Variants in IPO11 observed in about 807,000 individuals in gnomAD.
IPO11 encodes the protein importin-11.
Under a neutral mutation model 143.2 loss-of-function variants are expected in IPO11, and 66 were observed. The observed-to-expected ratio is 0.46, with a 90% CI of 0.38 to 0.57. The LOEUF (loss-of-function observed/expected upper bound fraction) is 0.57, where lower values mean the gene tolerates loss of function less well. Ranked by LOEUF, IPO11 falls within the 20% of genes least tolerant of loss-of-function variation. The pLI, the probability that IPO11 is intolerant of heterozygous loss-of-function variation, is 0.00. For synonymous variants in IPO11, 385 were observed against 377.8 expected (o/e 1.02, Z -0.22); for missense variants, 1,026 against 1,141.0 (o/e 0.90, Z 1.45).
intron 29 of IPO11, among the ~76,000 whole-genome samples, chr5:62,604,224 T>G (rs1264545444): frequency 6.6e-6 from 1 of 152,190 alleles, no homozygotes. Context: ...TTTGTTTTGT[T>G]TTGCAATGGA....
At chr5:62,435,076 ATATATGTGTATATATG>A (rs1435035567) in intron 1 of IPO11, among the ~76,000 whole-genome samples, 13 of 108,606 alleles carry the variant, frequency 1.2e-4, no homozygotes, top group African/African-American at 5.0e-4. Context: ...ATATATGTAT[ATATATGTGTATATATG>A]TATATATGTA....
intron 24 of IPO11, among the ~76,000 whole-genome samples, chr5:62,545,492 A>T (rs1236795451): frequency 7.2e-5 from 11 of 152,348 alleles, no homozygotes; most frequent in African/African-American, 2.6e-4. Context: ...AAACCATAAA[A>T]ACCCTAGAAG....
intron 26 of IPO11, among the ~76,000 whole-genome samples, chr5:62,559,043 G>A (rs574763286): frequency 5.3e-5 from 8 of 152,214 alleles, no homozygotes; most frequent in African/African-American, 1.4e-4. Flanking sequence ...ATAATTTATT[G>A]CTAGAAAATT....
chr5:62,602,407 A>G (rs1452332700), intron 29 of IPO11, among the ~76,000 whole-genome samples: 1 of 152,186 alleles, frequency 6.6e-6, no homozygotes, highest in African/African-American at 2.4e-5. Context: ...TATTTTTACC[A>G]TAAATAGAAA....
rs998949002 is a variant in IPO11 at position 62,437,471 on chromosome 5, A to G, written c.138+54A>G. The G allele has an allele frequency of 5.3e-6, 8 of 1,497,080 alleles. No homozygotes were observed. In the African/African-American group the frequency reaches 9.8e-5, roughly 18 times the overall value. 92.7% of individuals were successfully genotyped at this position (1,497,080 alleles called of 1,614,324 possible). ...CTTTTTAATAAAATGAGACAACATT[A>G]ATTTGTTTTAAAACCCTAGTTTTAT... On this transcript the variant is annotated intron_variant, in intron 2 of 29. Coordinates refer to ENST00000325324, the MANE Select transcript of IPO11 (RefSeq NM_016338.5).
intron 19 of IPO11, among the ~76,000 whole-genome samples, chr5:62,514,596 A>AGGGAGAC (rs1364062849): frequency 8.5e-6 from 1 of 117,390 alleles, no homozygotes; most frequent in African/African-American, 3.6e-5. Flanking sequence ...GGAGAGGGAG[A>AGGGAGAC]GGGAGACGGG....
chr5:62,489,474 T>C (rs1481253461), intron 14 of IPO11, 125 bp downstream of exon 14: 3 of 585,728 alleles, frequency 5.1e-6, no homozygotes, highest in Non-Finnish European at 8.8e-6. Flanking sequence ...AACAATCTGA[T>C]TGGGGAGATA....
At position 62,601,845 on chromosome 5, in the gene IPO11, G is replaced by A. The variant is rs757815265; in HGVS notation, c.2760G>A (p.Lys920=). The change falls in exon 29 of 30, where the codon AAG becomes AAA. Residue 920 remains lysine (K), a synonymous_variant. Transcript: ENST00000325324. ...CCACAGAACAAGATAAGAGGAAAAA[G>A]ATGGTAAGTTATAAAAGTAGCTTGT... ...EPPTEQDKRK[K]MLALKDPVHT... is the part of the protein sequence containing the mutation. The A allele has an allele frequency of 3.2e-6, 5 of 1,573,616 alleles. No individual in the cohort carries two copies. In the Middle Eastern group the frequency reaches 5.1e-4, roughly 160 times the overall value.
chr5:62,510,737 T>C (rs1298599421), intron 19 of IPO11, among the ~76,000 whole-genome samples: 1 of 152,160 alleles, frequency 6.6e-6, no homozygotes, highest in African/African-American at 2.4e-5. Flanking sequence ...TGATTGATTT[T>C]TTTGTTTTTG....
intron 3 of IPO11, among the ~76,000 whole-genome samples, chr5:62,444,633 T>C (rs1188766902): frequency 3.3e-5 from 5 of 152,054 alleles, no homozygotes; most frequent in African/African-American, 9.6e-5. Context: ...CCCAGCACTT[T>C]GGGAGGTCGA....
intron 29 of IPO11, among the ~76,000 whole-genome samples, chr5:62,606,109 T>G (rs2112456491): frequency 6.6e-6 from 1 of 152,136 alleles, no homozygotes; most frequent in East Asian, 1.9e-4. Flanking sequence ...CAACATGGTG[T>G]TTTAAAATAT....
intron 16 of IPO11, 96 bp downstream of exon 16, chr5:62,494,220 T>C (rs1232532831): frequency 5.5e-5 from 60 of 1,095,416 alleles, no homozygotes; most frequent in Non-Finnish European, 7.6e-5. Flanking sequence ...CTTTATGATG[T>C]TTATGGCCTT....
intron 24 of IPO11, among the ~76,000 whole-genome samples, chr5:62,547,692 A>G (rs944541718): frequency 6.6e-6 from 1 of 151,924 alleles, no homozygotes; most frequent in African/African-American, 2.4e-5. Flanking sequence ...TTATGTGGGG[A>G]TTATTTAATC....
intron 29 of IPO11, among the ~76,000 whole-genome samples, chr5:62,604,542 T>A (rs1745631997): frequency 6.6e-6 from 1 of 152,152 alleles, no homozygotes; most frequent in Non-Finnish European, 1.5e-5. Context: ...GGAAAGTATT[T>A]TTTTTTGCAC....
chr5:62,597,611 C>T (rs1745271471), intron 28 of IPO11, among the ~76,000 whole-genome samples: 1 of 152,084 alleles, frequency 6.6e-6, no homozygotes, highest in Non-Finnish European at 1.5e-5. Context: ...AGATTACAAT[C>T]TCTACACTTC....
At position 62,542,451 on chromosome 5, in the gene IPO11, A is replaced by G. The variant is rs949448045; in HGVS notation, c.2250+5162A>G. Among the ~76,000 whole-genome samples, 4 of 152,192 alleles carry G rather than the reference A, an allele frequency of 2.6e-5. No individual in the cohort carries two copies. In the East Asian group the frequency reaches 7.7e-4, roughly 29 times the overall value. ...TTTCCTGTTCTTAGAGTTCTAGTAT[A>G]GCAATAACAATAGTTTTTAATATTA... On this transcript the variant is annotated intron_variant, in intron 24 of 29. Coordinates refer to ENST00000325324, the MANE Select transcript of IPO11 (RefSeq NM_016338.5).
intron 1 of IPO11, among the ~76,000 whole-genome samples, chr5:62,417,937 C>T (rs1743361868): frequency 6.6e-6 from 1 of 152,146 alleles, no homozygotes; most frequent in Admixed American, 6.6e-5. Context: ...TGTAACCCCT[C>T]CTCCAACTCT....
At chr5:62,560,442 C>G (rs1239002683) in intron 26 of IPO11, among the ~76,000 whole-genome samples, 3 of 152,132 alleles carry the variant, frequency 2.0e-5, no homozygotes, top group African/African-American at 7.2e-5. Context: ...GGATGAAGCC[C>G]ACTCACATTA....
chr5:62,433,727 ACT>A (rs1744073553), intron 1 of IPO11, among the ~76,000 whole-genome samples: 1 of 152,064 alleles, frequency 6.6e-6, no homozygotes, highest in Non-Finnish European at 1.5e-5. Flanking sequence ...GGGATGGGAA[ACT>A]CTAGCAGATT....
Sources: allele counts gnomAD v4.1 joint callset (sites outside exome capture counted in the v4.1 genomes callset), GRCh38; gene constraint gnomAD v4.1.1; transcripts MANE v1.5; gene names NCBI Gene and HGNC (gene_info 2026-07-23, HGNC 2026-07-21).